ITPRID1: variants seen among roughly 807,000 people sequenced by gnomAD.
The protein encoded by ITPRID1 is ITPR interacting domain containing 1, also known as protein ITPRID1.
In ITPRID1, 96 loss-of-function variants were observed where a neutral mutation model predicts 95.4. The ratio of observed to expected loss-of-function variants is 1.01; its 90% CI spans 0.85 to 1.19. The LOEUF (loss-of-function observed/expected upper bound fraction) is 1.19. Among genes scored for constraint, ITPRID1 ranks in the 50% most tolerant of loss-of-function variants. ITPRID1 has a pLI of 0.00. For synonymous variants in ITPRID1, 510 were observed against 453.6 expected (o/e 1.12, Z -1.58); for missense variants, 1,339 against 1,252.9 (o/e 1.07, Z -1.04).
At chr7:31,596,459 A>T (rs1443924274) in intron 10 of ITPRID1, among the ~76,000 whole-genome samples, 1 of 151,592 alleles carries the variant, frequency 6.6e-6, no homozygotes, top group Non-Finnish European at 1.5e-5. Flanking sequence ...ATTTTTAAGT[A>T]AACTAATGGT....
intron 10 of ITPRID1, among the ~76,000 whole-genome samples, chr7:31,628,030 A>C (rs963938434): frequency 5.9e-5 from 9 of 152,210 alleles, no homozygotes; most frequent in African/African-American, 2.2e-4. Flanking sequence ...ATAAGAGCAG[A>C]AAGTCTTTGT....
At chr7:31,528,694 G>T (rs971990581) in intron 1 of ITPRID1, among the ~76,000 whole-genome samples, 1 of 152,156 alleles carries the variant, frequency 6.6e-6, no homozygotes, top group African/African-American at 2.4e-5. Context: ...GCCCAGCAGA[G>T]AAACTTCACG....
At chr7:31,549,377 C>G in intron 1 of ITPRID1, 49 bp from the exon 2 acceptor site, 1 of 1,292,564 alleles carries the variant, frequency 7.7e-7, no homozygotes. Context: ...AGTTTATTTT[C>G]TGTGAGACAA....
intron 1 of ITPRID1, among the ~76,000 whole-genome samples, chr7:31,546,482 A>T (rs889341656): frequency 3.3e-5 from 5 of 151,460 alleles, no homozygotes; most frequent in Non-Finnish European, 5.9e-5. Flanking sequence ...TAATCTCCTA[A>T]TTTTTCTAAT....
chr7:31,539,668 T>C (rs2128132558), intron 1 of ITPRID1, among the ~76,000 whole-genome samples: 1 of 152,308 alleles, frequency 6.6e-6, no homozygotes, highest in South Asian at 2.1e-4. Context: ...TTGTTTTTTT[T>C]GGAGATAAAC....
chr7:31,634,801 G>T (rs192278363), intron 10 of ITPRID1, among the ~76,000 whole-genome samples: 330 of 152,338 alleles, frequency 2.2e-3, no homozygotes, highest in Non-Finnish European at 3.4e-3. Context: ...TCTAGCTGGA[G>T]GAAAAGGACT....
At chr7:31,642,309 C>A in intron 11 of ITPRID1, 51 bp downstream of exon 11, 1 of 1,252,934 alleles carries the variant, frequency 8.0e-7, no homozygotes, top group Non-Finnish European at 1.1e-6. Flanking sequence ...CATCCCACTT[C>A]AGCCCTATCA....
At chr7:31,587,898 C>T (rs931491126) in intron 10 of ITPRID1, among the ~76,000 whole-genome samples, 1 of 151,850 alleles carries the variant, frequency 6.6e-6, no homozygotes, top group Admixed American at 6.6e-5. Context: ...GAAAGGATTC[C>T]CTATTTAATA....
chr7:31,632,750 G>A (rs1317010351), intron 10 of ITPRID1, among the ~76,000 whole-genome samples: 1 of 152,070 alleles, frequency 6.6e-6, no homozygotes, highest in African/African-American at 2.4e-5. Flanking sequence ...AGCCCAGCTG[G>A]GTGACAGGTT....
chr7:31,558,370 G>C (rs1163077638), intron 5 of ITPRID1, among the ~76,000 whole-genome samples: 2 of 152,196 alleles, frequency 1.3e-5, no homozygotes, highest in Admixed American at 6.5e-5. Flanking sequence ...ATGTGGGTAA[G>C]TCACTGGCAC....
chr7:31,609,363 G>T lies in ITPRID1; in HGVS notation c.1228+26172G>T, dbSNP rs117595610. ...GTCCTCTCTCTTATATCTTTTGGAA[G>T]AGTTTGTGAAATATTATTAATGTTT... is the stretch of plus-strand genomic sequence containing the variant. On this transcript the variant is annotated intron_variant, in intron 10 of 14. Transcript: ENST00000615280. 7.4e-4 allele frequency among the ~76,000 whole-genome samples: 113 copies of T among 151,720 alleles called. 1 individual carries two copies. In the East Asian group the frequency reaches 0.021, roughly 28 times the overall value.
At position 31,655,081 on chromosome 7, in the gene ITPRID1, C is replaced by A. The variant is rs1166869649; in HGVS notation, c.*2252C>A. Among the ~76,000 whole-genome samples the A allele has an allele frequency of 6.6e-6, 1 of 152,156 alleles. No individual in the cohort carries two copies. Among genetic ancestry groups the A allele is most frequent in the South Asian group, 2.1e-4 (1 of 4,828 alleles). Reference sequence around the variant, plus strand: ...TCCAAGCATCTATGACCCTGATTCCCAGCTCTCTCCAGTATCCCAGCCCAG... The same window carrying A: ...TCCAAGCATCTATGACCCTGATTCCAAGCTCTCTCCAGTATCCCAGCCCAG... On this transcript the variant is annotated 3_prime_UTR_variant, in exon 15 of 15. Coordinates refer to ENST00000615280, the MANE Select transcript of ITPRID1 (RefSeq NM_001257967.3).
chr7:31,620,723 G>A (rs528001791), intron 10 of ITPRID1, among the ~76,000 whole-genome samples: 63 of 152,208 alleles, frequency 4.1e-4, no homozygotes, highest in Non-Finnish European at 6.5e-4. Context: ...CCAAAGGAAC[G>A]CAGTTCCTCA....
intron 1 of ITPRID1, among the ~76,000 whole-genome samples, chr7:31,541,651 G>A (rs1261255972): frequency 6.6e-6 from 1 of 151,964 alleles, no homozygotes; most frequent in Admixed American, 6.6e-5. Context: ...CCCAAAGAAA[G>A]CCAAATACCA....
chr7:31,577,015 C>T (rs1173468310), intron 8 of ITPRID1, among the ~76,000 whole-genome samples: 1 of 151,750 alleles, frequency 6.6e-6, no homozygotes, highest in Non-Finnish European at 1.5e-5. Flanking sequence ...ACTGTACTTG[C>T]ATATGGCCCA....
intron 9 of ITPRID1, 146 bp from the exon 10 acceptor site, chr7:31,582,988 C>T (rs1279564273): frequency 4.0e-6 from 2 of 506,292 alleles, no homozygotes; most frequent in African/African-American, 1.9e-5. Flanking sequence ...TCCCCGGTAC[C>T]TCCTCCCAGC....
At chr7:31,519,625 T>TCTCTCC (rs1203882141) in intron 1 of ITPRID1, among the ~76,000 whole-genome samples, 6 of 100,446 alleles carry the variant, frequency 6.0e-5, no homozygotes, top group Non-Finnish European at 1.2e-4. Context: ...TCTCTCTATA[T>TCTCTCC]ATATATATAT....
intron 1 of ITPRID1, among the ~76,000 whole-genome samples, chr7:31,516,261 T>G (rs907724482): frequency 5.3e-5 from 8 of 152,208 alleles, no homozygotes; most frequent in African/African-American, 1.9e-4. Flanking sequence ...GTTGAAGGTT[T>G]CTGCGTGTGT....
chr7:31,652,548 G>T lies in ITPRID1; in HGVS notation c.2854G>T (p.Glu952Ter). 6.2e-7 allele frequency: 1 copy of T among 1,607,228 alleles called. No individual in the cohort carries two copies. Among genetic ancestry groups the T allele is most frequent in the South Asian group, 1.1e-5 (1 of 89,918 alleles). The change falls in exon 15 of 15, where the codon GAA (glutamate) becomes TAA (stop). Residue 952 changes from glutamate (E) to a stop codon, truncating the protein, a stop_gained. Transcript: ENST00000615280. LOFTEE classifies it low-confidence loss of function (END_TRUNC). ...GGAGGTTCTCACAGCAGAGCCACCT[G>T]AACACTATTCAAATCTGCATCAATA... ...QLEVLTAEPP[E>*]HYSNLHQYNW...
Sources: gnomAD v4.1 joint callset for allele counts (sites outside exome capture counted in the v4.1 genomes callset) on GRCh38, gnomAD v4.1.1 for gene constraint, MANE v1.5 for transcripts, NCBI Gene and HGNC (gene_info 2026-07-23, HGNC 2026-07-21) for gene names.